Variants in CCND2 observed in about 807,000 individuals in gnomAD.
The protein encoded by CCND2 is G1/S-specific cyclin-D2.
A neutral mutation model predicts 30.2 loss-of-function variants in CCND2; 6 were observed. The observed-to-expected ratio is 0.20, with a 90% CI of 0.11 to 0.39. The LOEUF (loss-of-function observed/expected upper bound fraction) is 0.39, where lower values mean the gene tolerates loss of function less well. Ranked by LOEUF, CCND2 falls within the 10% of genes least tolerant of loss-of-function variation. CCND2 has a pLI of 1.00. For synonymous variants in CCND2, 150 were observed against 153.1 expected (o/e 0.98, Z 0.15); for missense variants, 235 against 373.4 (o/e 0.63, Z 3.06).
intron 4 of CCND2, among the ~76,000 whole-genome samples, chr12:4,290,261 G>A (rs1043920543): frequency 1.3e-5 from 2 of 152,180 alleles, no homozygotes; most frequent in Admixed American, 6.5e-5. Flanking sequence ...AGATGCTGAC[G>A]GAGCAAATCC....
Position 4,285,222 on chromosome 12 carries a change from G to C in CCND2, c.572-3620G>C. 1 of 908,954 alleles carries C rather than the reference G, an allele frequency of 1.1e-6. No individual in the cohort carries two copies. The highest frequency in any genetic ancestry group is 1.8e-5 in the African/African-American group (1 of 55,816). 56.3% of individuals were successfully genotyped at this position (908,954 alleles called of 1,614,324 possible). Reference sequence around the variant, plus strand: ...GGAACAGGGAGGAGCACATTGTCATGAGTCGATCAGAATGGATCGCTGATC... The same window carrying C: ...GGAACAGGGAGGAGCACATTGTCATCAGTCGATCAGAATGGATCGCTGATC... On this transcript the variant is annotated intron_variant, in intron 3 of 4. Coordinates refer to ENST00000261254, the MANE Select transcript of CCND2 (RefSeq NM_001759.4). This position sits in a 1 kb window ranked among gnomAD's most constrained non-coding sequence, Gnocchi z 4.1.
In CCND2 at chr12:4,300,899, G is replaced by GA. The variant is rs1034047414; in HGVS notation, c.*897dup. ...AATGTGGCCTTGGCATTTCTTCTTA[G>GA]AAAAAAACTAATTTTTGGTGCTGAT... On this transcript the variant is annotated 3_prime_UTR_variant, in exon 5 of 5. Coordinates refer to ENST00000261254, the MANE Select transcript of CCND2 (RefSeq NM_001759.4). 10 of 233,518 alleles carry GA rather than the reference G, an allele frequency of 4.3e-5. No homozygotes were observed. The highest frequency in any genetic ancestry group is 7.6e-5 in the Non-Finnish European group (9 of 118,026). 14.5% of individuals were successfully genotyped at this position (233,518 alleles called of 1,614,324 possible).
chr12:4,289,919 CT>C (rs1864075251), intron 4 of CCND2, among the ~76,000 whole-genome samples: 1 of 152,056 alleles, frequency 6.6e-6, no homozygotes, highest in Non-Finnish European at 1.5e-5. Context: ...CTCCTGGGAT[CT>C]TTTGGTTTGA....
intron 4 of CCND2, among the ~76,000 whole-genome samples, chr12:4,296,126 A>C (rs377071471): frequency 6.6e-6 from 1 of 152,214 alleles, no homozygotes; most frequent in Non-Finnish European, 1.5e-5. Flanking sequence ...GAAGACGCGC[A>C]TGGCCTGAAA....
chr12:4,294,906 T>A (rs1441550592), intron 4 of CCND2, among the ~76,000 whole-genome samples: 1 of 152,078 alleles, frequency 6.6e-6, no homozygotes, highest in Non-Finnish European at 1.5e-5. Flanking sequence ...AAGGTGGAGG[T>A]CTTCCTCTCT....
intron 4 of CCND2, among the ~76,000 whole-genome samples, chr12:4,296,326 G>A (rs1449421788): frequency 1.3e-5 from 2 of 152,248 alleles, no homozygotes; most frequent in East Asian, 1.9e-4. Context: ...AGCAAGGCAG[G>A]ATCGGCCGGG....
rs1231998312 is a variant in CCND2 at position 4,305,300 on chromosome 12, T to C, written c.*5291T>C. ...AGTTTAAAGATGGATTTGAAAATGGTTTTGAATGCAATTAGGTTATGCTAT... is the reference window on the plus strand; with the variant it reads ...AGTTTAAAGATGGATTTGAAAATGGCTTTGAATGCAATTAGGTTATGCTAT... On this transcript the variant is annotated 3_prime_UTR_variant, in exon 5 of 5. Coordinates refer to ENST00000261254, the MANE Select transcript of CCND2 (RefSeq NM_001759.4). This position sits in a 1 kb window ranked among gnomAD's most constrained non-coding sequence, Gnocchi z 6.4. 4.4e-6 allele frequency: 1 copy of C among 228,710 alleles called. No homozygotes were observed. The highest frequency in any genetic ancestry group is 8.7e-6 in the Non-Finnish European group (1 of 115,350). The allele number at this position is 228,710 out of a possible 1,614,324, so 14.2% of individuals were successfully genotyped here.
rs961221965 is a variant in CCND2, at chr12:4,301,438, A to G, written c.*1429A>G. 1 of 230,030 alleles carries G rather than the reference A, an allele frequency of 4.3e-6. No homozygotes were observed. The highest frequency in any genetic ancestry group is 2.2e-5 in the African/African-American group (1 of 44,456). 14.2% of individuals were successfully genotyped at this position (230,030 alleles called of 1,614,324 possible). A position where few individuals can be genotyped will look rare whatever the true frequency, so the allele number is the denominator to read the frequency against. ...ATTTTTCTTCCTCTCCACTTCTTAG[A>G]GGCATTCAGTTAGCAAAGAGGTTGG... On this transcript the variant is annotated 3_prime_UTR_variant, in exon 5 of 5. Coordinates refer to ENST00000261254, the MANE Select transcript of CCND2 (RefSeq NM_001759.4).
At chr12:4,275,698 C>T (rs910927475) in intron 1 of CCND2, among the ~76,000 whole-genome samples, 1 of 151,958 alleles carries the variant, frequency 6.6e-6, no homozygotes, top group Non-Finnish European at 1.5e-5. Flanking sequence ...GAAGGAGTAG[C>T]CAAAGGGAGC....
Position 4,298,416 on chromosome 12 carries a change from A to C in CCND2, c.721-1444A>C, listed in dbSNP as rs914574664. 5.3e-5 allele frequency among the ~76,000 whole-genome samples: 8 copies of C among 152,140 alleles called. No individual in the cohort carries two copies. In the East Asian group the frequency reaches 1.5e-3, roughly 29 times the overall value. On this transcript the variant is annotated intron_variant, in intron 4 of 4. Transcript: ENST00000261254. ...AGTTCCAGCTTTATTTTGTTTATTTATATGTTTGTTTTTAAAGATCGGGAG... is the reference window on the plus strand; with the variant it reads ...AGTTCCAGCTTTATTTTGTTTATTTCTATGTTTGTTTTTAAAGATCGGGAG...
At chr12:4,280,760 C>A (rs1294179165) in intron 3 of CCND2, among the ~76,000 whole-genome samples, 1 of 152,240 alleles carries the variant, frequency 6.6e-6, no homozygotes, top group Non-Finnish European at 1.5e-5. Flanking sequence ...TCCCCCACTG[C>A]CCAGCTGTTG....
At chr12:4,278,732 C>T (rs1043659947) in intron 2 of CCND2, 28 bp from the exon 3 acceptor site, 4 of 1,611,828 alleles carry the variant, frequency 2.5e-6, no homozygotes, top group Non-Finnish European at 8.5e-7. Flanking sequence ...TTTAGATTCT[C>T]CTCTTCTCTT....
intron 3 of CCND2, among the ~76,000 whole-genome samples, chr12:4,284,717 CT>C (rs1323508854): frequency 6.9e-6 from 1 of 143,954 alleles, no homozygotes; most frequent in African/African-American, 2.5e-5. Flanking sequence ...CAAGAGCCTC[CT>C]TTCTTTTTTT....
At chr12:4,290,945 C>A (rs3217870) in intron 4 of CCND2, among the ~76,000 whole-genome samples, 2 of 151,948 alleles carry the variant, frequency 1.3e-5, no homozygotes, top group Admixed American at 1.3e-4. Flanking sequence ...CAAGTTGATA[C>A]CTCATTTCTA....
chr12:4,294,927 G>C (rs3217895), intron 4 of CCND2, among the ~76,000 whole-genome samples: 2 of 152,200 alleles, frequency 1.3e-5, no homozygotes, highest in African/African-American at 4.8e-5. Context: ...CCAGGTGGCT[G>C]CCCTCATCTC....
At chr12:4,288,497 C>G (rs764690520) in intron 3 of CCND2, among the ~76,000 whole-genome samples, 7 of 152,128 alleles carry the variant, frequency 4.6e-5, no homozygotes, top group Non-Finnish European at 1.0e-4. Context: ...ACTCGCTCAC[C>G]TTGCTCCCCC....
Position 4,293,369 on chromosome 12 carries a change from A to T in CCND2, c.720+4379A>T, listed in dbSNP as rs3217880. 1.3e-5 allele frequency among the ~76,000 whole-genome samples: 2 copies of T among 152,202 alleles called. No homozygotes were observed. The highest frequency in any genetic ancestry group is 6.5e-5 in the Admixed American group (1 of 15,284). ...CCTTATATTTATCCTTTTTTGTCTA[A>T]GTCACATCAAAACTCTTTGTCACAT... On this transcript the variant is annotated intron_variant, in intron 4 of 4. Transcript: ENST00000261254. The surrounding 1 kb of genome is among the most constrained non-coding windows in gnomAD (Gnocchi z 4.9).
At position 4,274,344 on chromosome 12, in the gene CCND2, C is replaced by A; in HGVS notation, c.195+109C>A. 1 of 1,215,852 alleles carries A rather than the reference C, an allele frequency of 8.2e-7. No individual in the cohort carries two copies. Among genetic ancestry groups the A allele is most frequent in the Non-Finnish European group, 1.2e-6 (1 of 850,900 alleles). 75.3% of individuals were successfully genotyped at this position (1,215,852 alleles called of 1,614,324 possible). ...GGCAATCCCCGCGCCGGCCTCCCGGCTCCTGTGCGGGAGTTTACCGCGCGC... is the reference window on the plus strand; with the variant it reads ...GGCAATCCCCGCGCCGGCCTCCCGGATCCTGTGCGGGAGTTTACCGCGCGC... On this transcript the variant is annotated intron_variant, in intron 1 of 4. Transcript: ENST00000261254. This position sits in a 1 kb window ranked among gnomAD's most constrained non-coding sequence, Gnocchi z 7.7.
chr12:4,301,702 G>A lies in CCND2; in HGVS notation c.*1693G>A, dbSNP rs1301197079. On this transcript the variant is annotated 3_prime_UTR_variant, in exon 5 of 5. Coordinates refer to ENST00000261254, the MANE Select transcript of CCND2 (RefSeq NM_001759.4). ...CAGTTTGGTTTTTTTTTTTTTTTGCGCTGCTAAGAAGCTAAAGTCATCCAT... is the reference window on the plus strand; with the variant it reads ...CAGTTTGGTTTTTTTTTTTTTTTGCACTGCTAAGAAGCTAAAGTCATCCAT... 8 of 197,772 alleles carry A rather than the reference G, an allele frequency of 4.0e-5. No individual in the cohort carries two copies. The highest frequency in any genetic ancestry group is 7.0e-5 in the Non-Finnish European group (7 of 99,636). The allele number at this position is 197,772 out of a possible 1,614,324, so 12.3% of individuals were successfully genotyped here.
Sources: allele counts gnomAD v4.1 joint callset (sites outside exome capture counted in the v4.1 genomes callset), GRCh38; gene constraint gnomAD v4.1.1; non-coding constraint Gnocchi (gnomAD v3.1); transcripts MANE v1.5; gene names NCBI Gene and HGNC (gene_info 2026-07-23, HGNC 2026-07-21).